HACE1: variants seen among roughly 807,000 people sequenced by gnomAD.
HACE1 encodes the protein E3 ubiquitin-protein ligase HACE1.
HACE1 carries 73 observed loss-of-function variants against 118.4 expected under a neutral mutation model. The ratio of observed to expected loss-of-function variants is 0.62; its 90% CI spans 0.51 to 0.75. The LOEUF is 0.75. Ranked by LOEUF, HACE1 falls within the 30% of genes least tolerant of loss-of-function variation. The pLI is 0.00. For synonymous variants in HACE1, 368 were observed against 374.8 expected, an observed-to-expected ratio of 0.98 and a Z score of 0.21; for missense variants, 749 against 1,102.2, an observed-to-expected ratio of 0.68 and a Z score of 4.54.
intron 10 of HACE1, among the ~76,000 whole-genome samples, chr6:104,793,266 C>CA (rs397887197): frequency 0.39 from 36,191 of 92,458 alleles, 5,977 homozygotes; most frequent in African/African-American, 0.5. Context: ...GACTACATCT[C>CA]AAAAAAAAAA....
intron 23 of HACE1, 149 bp from the exon 24 acceptor site, chr6:104,729,913 AAAG>A: frequency 1.5e-6 from 1 of 650,276 alleles, no homozygotes. Flanking sequence ...TGGTATTTAA[AAAG>A]AAGAAAAAAT....
chr6:104,832,940 A>G, intron 6 of HACE1, 102 bp downstream of exon 6: 1 of 1,092,326 alleles, frequency 9.2e-7, no homozygotes, highest in Non-Finnish European at 1.4e-6. Flanking sequence ...AGATTTTGCT[A>G]TAATGCTTCA....
chr6:104,771,107 A>G (rs7770269), intron 19 of HACE1, 86 bp downstream of exon 19: 147,700 of 939,394 alleles, frequency 0.16, 12,652 homozygotes, highest in African/African-American at 0.25. Flanking sequence ...AAGTTTTTCT[A>G]CAAGTGCCAG....
At chr6:104,857,307 G>A (rs1269599417) in intron 1 of HACE1, among the ~76,000 whole-genome samples, 2 of 150,968 alleles carry the variant, frequency 1.3e-5, no homozygotes, top group African/African-American at 2.4e-5. Context: ...TTAAATTCAA[G>A]GAACAAAATG....
intron 1 of HACE1, among the ~76,000 whole-genome samples, chr6:104,855,626 C>T (rs902520018): frequency 1.3e-5 from 2 of 152,078 alleles, no homozygotes; most frequent in Non-Finnish European, 2.9e-5. Context: ...TAATTGCTCT[C>T]AGAAACTACC....
intron 6 of HACE1, among the ~76,000 whole-genome samples, chr6:104,825,728 C>T (rs750596260): frequency 6.6e-6 from 1 of 152,160 alleles, no homozygotes; most frequent in South Asian, 2.1e-4. Context: ...GTATCCAGAA[C>T]CTTGAGCAGC....
chr6:104,761,395 A>C (rs1487978685), intron 19 of HACE1, among the ~76,000 whole-genome samples: 2 of 152,190 alleles, frequency 1.3e-5, no homozygotes, highest in African/African-American at 4.8e-5. Flanking sequence ...GTAACACCAC[A>C]CATCTACCAC....
At position 104,813,096 on chromosome 6, in the gene HACE1, G is replaced by A. The variant is rs1377976541; in HGVS notation, c.535-1703C>T. On this transcript the variant is annotated intron_variant, in intron 6 of 23. Coordinates refer to ENST00000262903, the MANE Select transcript of HACE1 (RefSeq NM_020771.4). ...AGGCTCCCAGAAATCCAGCAGGCAG[G>A]CTTAAAAATCTCAAGTAGAAGGAAT... 1.1e-4 allele frequency among the ~76,000 whole-genome samples: 15 copies of A among 137,938 alleles called. 4 individuals are homozygous for A. Among genetic ancestry groups the A allele is most frequent in the African/African-American group, 4.4e-4 (15 of 34,464 alleles). The allele number at this position is 137,938 out of a possible 152,430, so 90.5% of individuals were successfully genotyped here. A position where few individuals can be genotyped will look rare whatever the true frequency, so the allele number is the denominator to read the frequency against.
At position 104,804,863 on chromosome 6, in the gene HACE1, C is replaced by G. The variant is rs182967372; in HGVS notation, c.617+6448G>C. Reference sequence around the variant, plus strand: ...AAAAGCCAAAACAGACAAATGGGATCTAATTAAACTAAAGAGCTTCTGCAC... The same window carrying G: ...AAAAGCCAAAACAGACAAATGGGATGTAATTAAACTAAAGAGCTTCTGCAC... On this transcript the variant is annotated intron_variant, in intron 7 of 23. Transcript: ENST00000262903. 2.8e-3 allele frequency among the ~76,000 whole-genome samples: 428 copies of G among 152,260 alleles called. 2 individuals carry two copies. Among genetic ancestry groups the G allele is most frequent in the Admixed American group, 3.9e-3 (60 of 15,290 alleles).
chr6:104,757,538 T>C (rs1456464620), intron 19 of HACE1, among the ~76,000 whole-genome samples: 2 of 152,060 alleles, frequency 1.3e-5, no homozygotes, highest in African/African-American at 4.8e-5. Context: ...ACCCCATCTA[T>C]AGGTCACAAA....
chr6:104,851,023 A>C, intron 2 of HACE1, 27 bp from the exon 3 acceptor site: 1 of 1,352,542 alleles, frequency 7.4e-7, no homozygotes, highest in Non-Finnish European at 1.1e-6. Context: ...ATGAGGAATC[A>C]AGTGTAAAAA....
rs1777437668 is a variant in HACE1, at chr6:104,746,502, C to G, written c.2344-1892G>C. 3.3e-5 allele frequency among the ~76,000 whole-genome samples: 5 copies of G among 152,184 alleles called. No homozygotes were observed. In the South Asian group the frequency reaches 6.2e-4, roughly 19 times the overall value. ...TGGAGGTGAGGGTACTCTCTGCTCC[C>G]CCACTGCTTCAGCATCTCTTTGCAG... On this transcript the variant is annotated intron_variant, in intron 20 of 23. Coordinates refer to ENST00000262903, the MANE Select transcript of HACE1 (RefSeq NM_020771.4).
chr6:104,736,149 T>C (rs1056106772), intron 22 of HACE1, among the ~76,000 whole-genome samples: 3 of 151,788 alleles, frequency 2.0e-5, no homozygotes, highest in African/African-American at 7.2e-5. Flanking sequence ...TTTTCATCCT[T>C]TTTATTAAGT....
At chr6:104,859,191 A>G (rs1303374295) in intron 1 of HACE1, among the ~76,000 whole-genome samples, 2 of 152,116 alleles carry the variant, frequency 1.3e-5, no homozygotes, top group Non-Finnish European at 2.9e-5. Context: ...TCTTTGGATC[A>G]TCTCTATCCC....
intron 10 of HACE1, among the ~76,000 whole-genome samples, chr6:104,793,834 C>T (rs1783328045): frequency 6.6e-6 from 1 of 152,166 alleles, no homozygotes; most frequent in South Asian, 2.1e-4. Flanking sequence ...AACCAATACT[C>T]ACTACCAACC....
chr6:104,829,741 C>T (rs1773675298), intron 6 of HACE1, among the ~76,000 whole-genome samples: 1 of 152,148 alleles, frequency 6.6e-6, no homozygotes, highest in African/African-American at 2.4e-5. Flanking sequence ...TTGTACCCCT[C>T]CTCCTCTACT....
intron 20 of HACE1, among the ~76,000 whole-genome samples, chr6:104,748,431 T>C (rs188110005): frequency 1.3e-5 from 2 of 152,276 alleles, no homozygotes; most frequent in Admixed American, 6.5e-5. Context: ...TGGAAAATTA[T>C]CAAATGCTAG....
intron 9 of HACE1, among the ~76,000 whole-genome samples, chr6:104,796,316 C>T (rs1214613875): frequency 6.6e-6 from 1 of 151,906 alleles, no homozygotes; most frequent in African/African-American, 2.4e-5. Flanking sequence ...GTCTTTGTTG[C>T]CCAAGCTAGT....
At chr6:104,804,127 G>A (rs1002055841) in intron 7 of HACE1, among the ~76,000 whole-genome samples, 72 of 152,208 alleles carry the variant, frequency 4.7e-4, no homozygotes, top group African/African-American at 1.5e-3. Context: ...GCTTCAAAGA[G>A]AATAAAATAC....
Sources: gnomAD v4.1 joint callset for allele counts (sites outside exome capture counted in the v4.1 genomes callset) on GRCh38, gnomAD v4.1.1 for gene constraint, MANE v1.5 for transcripts, NCBI Gene and HGNC (gene_info 2026-07-23, HGNC 2026-07-21) for gene names.